Variants in KDM4C observed in about 807,000 individuals in gnomAD.
KDM4C encodes the protein lysine demethylase 4C, also known as lysine-specific demethylase 4C.
KDM4C carries 81 observed loss-of-function variants against 129.3 expected under a neutral mutation model. That is an observed-to-expected ratio of 0.63 (90% CI 0.52 to 0.75). The LOEUF (loss-of-function observed/expected upper bound fraction) is 0.75. KDM4C is among the 30% of genes least tolerant of loss of function. KDM4C has a pLI of 0.00. For missense variants in KDM4C, 1,457 were observed against 1,304.0 expected (o/e 1.12, Z -1.81); for synonymous variants, 573 against 456.1 (o/e 1.26, Z -3.26).
chr9:6,922,388 T>G (rs571929943), intron 8 of KDM4C, among the ~76,000 whole-genome samples: 1 of 149,202 alleles, frequency 6.7e-6, no homozygotes, highest in African/African-American at 2.6e-5. Context: ...TCTGATTACA[T>G]TTACTGTTTT....
At chr9:7,136,948 G>A (rs1740597591) in intron 19 of KDM4C, among the ~76,000 whole-genome samples, 1 of 152,168 alleles carries the variant, frequency 6.6e-6, no homozygotes, top group Non-Finnish European at 1.5e-5. Context: ...CAGCTCCAGG[G>A]AAAACTCAAG....
chr9:6,867,852 T>C (rs1318210327), intron 5 of KDM4C, among the ~76,000 whole-genome samples: 1 of 152,180 alleles, frequency 6.6e-6, no homozygotes, highest in Non-Finnish European at 1.5e-5. Flanking sequence ...CACTGTCTTT[T>C]ATTGCAGTAG....
intron 19 of KDM4C, among the ~76,000 whole-genome samples, chr9:7,128,826 T>TC (rs1439849683): frequency 6.6e-6 from 1 of 152,124 alleles, no homozygotes; most frequent in African/African-American, 2.4e-5. Flanking sequence ...TTGGTCTGTC[T>TC]CCATCTCCTC....
chr9:7,086,905 G>A (rs1325428221), intron 17 of KDM4C, among the ~76,000 whole-genome samples: 1 of 152,172 alleles, frequency 6.6e-6, no homozygotes. Context: ...GAGTGGGGCA[G>A]ACAGTTGGTC....
At chr9:6,836,674 C>A (rs748586703) in intron 4 of KDM4C, among the ~76,000 whole-genome samples, 1 of 152,106 alleles carries the variant, frequency 6.6e-6, no homozygotes, top group Non-Finnish European at 1.5e-5. Flanking sequence ...TTATTTTTGA[C>A]CTTATTAAAA....
intron 8 of KDM4C, chr9:6,902,565 G>A (rs1817588751): frequency 6.6e-6 from 1 of 152,172 alleles, no homozygotes; most frequent in African/African-American, 2.4e-5. Flanking sequence ...CAGGTTGTGA[G>A]GATGCGGGTG....
chr9:7,103,388 C>T (rs940442154), intron 17 of KDM4C, among the ~76,000 whole-genome samples: 1 of 152,288 alleles, frequency 6.6e-6, no homozygotes, highest in African/African-American at 2.4e-5. Flanking sequence ...GGGGTCTTTT[C>T]CCGAGCTCTG....
At chr9:7,015,976 C>G in intron 15 of KDM4C, 47 bp downstream of exon 15, 1 of 1,310,840 alleles carries the variant, frequency 7.6e-7, no homozygotes, top group Non-Finnish European at 1.1e-6. Context: ...CCCACCCTAC[C>G]CACTGTGGAC....
upstream of KDM4C, among the ~76,000 whole-genome samples, chr9:6,754,956 G>A (rs1818193582): frequency 6.6e-6 from 1 of 151,324 alleles, no homozygotes. Context: ...TACAAGTATT[G>A]GCCAGGCATG....
intron 15 of KDM4C, among the ~76,000 whole-genome samples, chr9:7,043,672 G>A (rs890341091): frequency 5.3e-5 from 8 of 151,346 alleles, no homozygotes; most frequent in East Asian, 1.9e-4. Flanking sequence ...CATGACTTTG[G>A]TTGTTTCCTA....
chr9:6,786,756 CA>C (rs1187542845), intron 1 of KDM4C, among the ~76,000 whole-genome samples: 1 of 152,062 alleles, frequency 6.6e-6, no homozygotes, highest in African/African-American at 2.4e-5. Context: ...ACTCAAGGAA[CA>C]GAACATTTAT....
chr9:7,104,063 T>C, intron 18 of KDM4C, 193 bp downstream of exon 18: 1 of 566,282 alleles, frequency 1.8e-6, no homozygotes, highest in Non-Finnish European at 3.2e-6. Context: ...GTCAAGTGCC[T>C]GGTGCACGCT....
intron 17 of KDM4C, chr9:7,076,349 C>T: frequency 1.1e-6 from 1 of 917,724 alleles, no homozygotes; most frequent in Non-Finnish European, 1.8e-6. Context: ...ATTAGTTTGT[C>T]TCATGCTAAA....
intron 4 of KDM4C, among the ~76,000 whole-genome samples, chr9:6,841,244 C>A (rs1836859319): frequency 6.6e-6 from 1 of 151,870 alleles, no homozygotes; most frequent in Non-Finnish European, 1.5e-5. Context: ...GGAGTTGGCT[C>A]TGTGGCACTG....
chr9:6,885,697 G>T (rs930066030), intron 6 of KDM4C, among the ~76,000 whole-genome samples: 6 of 151,792 alleles, frequency 4.0e-5, no homozygotes, highest in African/African-American at 1.5e-4. Context: ...GTGAGAGTGA[G>T]TATGAACCAT....
chr9:7,004,698 A>G (rs1821334550), intron 12 of KDM4C, among the ~76,000 whole-genome samples: 1 of 152,240 alleles, frequency 6.6e-6, no homozygotes, highest in South Asian at 2.1e-4. Flanking sequence ...ATGGGAGAAT[A>G]AAGGCTTTTA....
At chr9:6,775,498 T>TA (rs905961159) in intron 1 of KDM4C, among the ~76,000 whole-genome samples, 9 of 152,062 alleles carry the variant, frequency 5.9e-5, no homozygotes, top group Non-Finnish European at 8.8e-5. Flanking sequence ...TTGTTGAACT[T>TA]ACGCTAGAAT....
intron 12 of KDM4C, among the ~76,000 whole-genome samples, chr9:7,007,017 A>G (rs184704378): frequency 6.6e-6 from 1 of 152,382 alleles, no homozygotes; most frequent in Non-Finnish European, 1.5e-5. Flanking sequence ...CAAGGTGGCA[A>G]TATTTTCAAC....
chr9:6,949,028 A>G lies in KDM4C; in HGVS notation c.922-31897A>G, dbSNP rs560217795. 1.2e-4 allele frequency among the ~76,000 whole-genome samples: 18 copies of G among 152,114 alleles called. No individual in the cohort carries two copies. The South Asian group carries it at 3.7e-3, about 32-fold the overall frequency. ...CTCCCAGACGGGGTGGCGGCCGGGC[A>G]GAGGGGCTCCTCACTTCCCAGAAGG... On this transcript the variant is annotated intron_variant, in intron 8 of 21. Coordinates refer to ENST00000381309, the MANE Select transcript of KDM4C (RefSeq NM_015061.6).
Sources: gnomAD v4.1 joint callset for allele counts (sites outside exome capture counted in the v4.1 genomes callset) on GRCh38, gnomAD v4.1.1 for gene constraint, MANE v1.5 for transcripts, NCBI Gene and HGNC (gene_info 2026-07-23, HGNC 2026-07-21) for gene names.